Variants in ZNF385B observed in about 807,000 individuals in gnomAD.
The protein encoded by ZNF385B is zinc finger protein 385B.
Under a neutral mutation model 39.2 loss-of-function variants are expected in ZNF385B, and 23 were observed. The ratio of observed to expected loss-of-function variants is 0.59; its 90% confidence interval spans 0.42 to 0.83. The LOEUF (loss-of-function observed/expected upper bound fraction) is 0.83. Ranked by LOEUF, ZNF385B falls within the 40% of genes least tolerant of loss-of-function variation. The pLI is 0.00. For synonymous variants in ZNF385B, 205 were observed against 222.6 expected (o/e 0.92, Z 0.70); for missense variants, 552 against 598.9 (o/e 0.92, Z 0.82).
intron 3 of ZNF385B, among the ~76,000 whole-genome samples, chr2:179,658,126 T>A (rs1369720909): frequency 6.6e-6 from 1 of 152,228 alleles, no homozygotes; most frequent in Non-Finnish European, 1.5e-5. Flanking sequence ...TTAAAAAATA[T>A]GTATCTTCAA....
intron 6 of ZNF385B, among the ~76,000 whole-genome samples, chr2:179,449,323 T>C (rs1247421158): frequency 6.6e-6 from 1 of 152,056 alleles, no homozygotes; most frequent in Non-Finnish European, 1.5e-5. Flanking sequence ...TGGATAAGCA[T>C]AGAATAGGGT....
intron 3 of ZNF385B, chr2:179,583,932 C>T (rs776748276): frequency 9.2e-6 from 12 of 1,304,006 alleles, no homozygotes; most frequent in Non-Finnish European, 1.2e-5. Context: ...ACCATTCAAA[C>T]CATCCATCAA....
chr2:179,736,983 C>G (rs1451986342), intron 3 of ZNF385B, among the ~76,000 whole-genome samples: 1 of 152,128 alleles, frequency 6.6e-6, no homozygotes, highest in Non-Finnish European at 1.5e-5. Context: ...CAAAACAAAA[C>G]AAAACTTTAT....
At chr2:179,730,267 A>G (rs951822384) in intron 3 of ZNF385B, among the ~76,000 whole-genome samples, 2 of 152,164 alleles carry the variant, frequency 1.3e-5, no homozygotes, top group African/African-American at 2.4e-5. Flanking sequence ...ATGACAAATC[A>G]TATTACCACC....
chr2:179,607,798 T>G (rs1318435516), intron 3 of ZNF385B, among the ~76,000 whole-genome samples: 1 of 152,206 alleles, frequency 6.6e-6, no homozygotes, highest in Non-Finnish European at 1.5e-5. Flanking sequence ...TTTTCTGTGT[T>G]TCTGCTGACA....
chr2:179,494,151 C>G (rs1179832835), intron 5 of ZNF385B, among the ~76,000 whole-genome samples: 1 of 152,072 alleles, frequency 6.6e-6, no homozygotes, highest in Non-Finnish European at 1.5e-5. Flanking sequence ...AGCATTTTCA[C>G]AGAGACCTGA....
At chr2:179,797,898 C>T (rs1341751525) in intron 1 of ZNF385B, among the ~76,000 whole-genome samples, 2 of 152,102 alleles carry the variant, frequency 1.3e-5, no homozygotes, top group African/African-American at 4.8e-5. Flanking sequence ...TCTAATCCTA[C>T]CATTCATTCA....
At chr2:179,853,628 C>T (rs894455918) in intron 1 of ZNF385B, among the ~76,000 whole-genome samples, 1 of 152,162 alleles carries the variant, frequency 6.6e-6, no homozygotes, top group African/African-American at 2.4e-5. Flanking sequence ...CACAAGTTAT[C>T]TTGGCAAAGA....
At chr2:179,690,956 T>A (rs555241963) in intron 3 of ZNF385B, among the ~76,000 whole-genome samples, 11 of 152,306 alleles carry the variant, frequency 7.2e-5, no homozygotes, top group African/African-American at 2.4e-4. Flanking sequence ...GATTTAGATC[T>A]AGAGGAAGGT....
At chr2:179,490,066 T>G (rs2055044561) in intron 5 of ZNF385B, among the ~76,000 whole-genome samples, 1 of 152,138 alleles carries the variant, frequency 6.6e-6, no homozygotes, top group South Asian at 2.1e-4. Flanking sequence ...CAGGCCAGAG[T>G]TGTACCTATG....
At chr2:179,797,417 T>A (rs1179505262) in intron 1 of ZNF385B, among the ~76,000 whole-genome samples, 1 of 152,186 alleles carries the variant, frequency 6.6e-6, no homozygotes, top group East Asian at 1.9e-4. Context: ...CTTTTAAAAT[T>A]AATAACAATT....
intron 3 of ZNF385B, among the ~76,000 whole-genome samples, chr2:179,760,223 C>CGTGCGTGTGTGTGTGTGTGTGT (rs1553525684): frequency 6.9e-6 from 1 of 144,476 alleles, no homozygotes. Flanking sequence ...TTCCTGTGTG[C>CGTGCGTGTGTGTGTGTGTGTGT]GTGTGTGTGT....
intron 1 of ZNF385B, among the ~76,000 whole-genome samples, chr2:179,846,266 G>A (rs1708795074): frequency 6.6e-6 from 1 of 152,232 alleles, no homozygotes; most frequent in Non-Finnish European, 1.5e-5. Flanking sequence ...AGCATCTGAA[G>A]TCATTTTAGA....
At chr2:179,640,648 G>A (rs1341045375) in intron 3 of ZNF385B, among the ~76,000 whole-genome samples, 2 of 152,134 alleles carry the variant, frequency 1.3e-5, no homozygotes. Flanking sequence ...ATTTGAAAAT[G>A]ATGATCAGCA....
intron 3 of ZNF385B, among the ~76,000 whole-genome samples, chr2:179,756,869 C>A (rs1424316426): frequency 3.3e-5 from 5 of 152,080 alleles, no homozygotes; most frequent in Admixed American, 3.3e-4. Context: ...TTTGTGTAAT[C>A]TTTTTTCAAG....
At chr2:179,682,980 T>A (rs1697637382) in intron 3 of ZNF385B, among the ~76,000 whole-genome samples, 1 of 152,158 alleles carries the variant, frequency 6.6e-6, no homozygotes, top group Non-Finnish European at 1.5e-5. Flanking sequence ...TGAATGTGTT[T>A]TAATGACGTA....
At chr2:179,589,847 G>A (rs1687402805) in intron 3 of ZNF385B, among the ~76,000 whole-genome samples, 1 of 152,194 alleles carries the variant, frequency 6.6e-6, no homozygotes, top group Admixed American at 6.5e-5. Flanking sequence ...ATGTTATTGT[G>A]ATGTGAATGC....
At chr2:179,529,303 G>A (rs2059119324) in intron 4 of ZNF385B, among the ~76,000 whole-genome samples, 1 of 152,082 alleles carries the variant, frequency 6.6e-6, no homozygotes, top group South Asian at 2.1e-4. Context: ...AAAACTCTGT[G>A]CTTTTCTTTG....
rs190907685 is a variant in ZNF385B, at chr2:179,443,625, T to G, written c.1243-157A>C. 1.6e-3 allele frequency among the ~76,000 whole-genome samples: 246 copies of G among 152,370 alleles called. 1 individual carries two copies. The highest frequency in any genetic ancestry group is 0.01 in the Middle Eastern group (3 of 294). ...CAAGAAATCATTATTTTCACAATGC[T>G]GGTTTCAGTGGCTCATGGCATAGCT... On this transcript the variant is annotated intron_variant, in intron 9 of 9. Transcript: ENST00000410066.
Sources: allele counts gnomAD v4.1 joint callset (sites outside exome capture counted in the v4.1 genomes callset), GRCh38; gene constraint gnomAD v4.1.1; transcripts MANE v1.5; gene names NCBI Gene and HGNC (gene_info 2026-07-23, HGNC 2026-07-21).